The following CDH18 variants were observed in gnomAD, a reference collection of about 807,000 sequenced individuals.
CDH18 encodes cadherin 18.
CDH18 carries 31 observed loss-of-function variants against 67.9 expected under a neutral mutation model. The ratio of observed to expected loss-of-function variants is 0.46; its 90% confidence interval spans 0.34 to 0.62. The LOEUF (loss-of-function observed/expected upper bound fraction) is 0.62, where lower values mean the gene tolerates loss of function less well. CDH18 is among the 20% of genes least tolerant of loss of function. The pLI is 0.01. For synonymous variants in CDH18, 362 were observed against 347.2 expected (o/e 1.04, Z -0.48); for missense variants, 890 against 975.5 (o/e 0.91, Z 1.17).
At chr5:20,064,592 G>A (rs1742803633) in intron 2 of CDH18, among the ~76,000 whole-genome samples, 1 of 152,076 alleles carries the variant, frequency 6.6e-6, no homozygotes, top group Admixed American at 6.6e-5. Flanking sequence ...AAGTTTTGTT[G>A]TTGGACTTTT....
At chr5:20,363,214 GTGGCTCACGCCT>G (rs1742229441) in intron 1 of CDH18, among the ~76,000 whole-genome samples, 1 of 152,164 alleles carries the variant, frequency 6.6e-6, no homozygotes, top group African/African-American at 2.4e-5. Flanking sequence ...GCCAGGTGCA[GTGGCTCACGCCT>G]GTAATCCCAG....
chr5:19,511,771 A>G (rs1318566880), intron 10 of CDH18, among the ~76,000 whole-genome samples: 1 of 152,132 alleles, frequency 6.6e-6, no homozygotes, highest in Non-Finnish European at 1.5e-5. Flanking sequence ...TGAATTTGGA[A>G]CTTAGGTTTT....
At chr5:20,196,280 G>C (rs1190558823) in intron 2 of CDH18, among the ~76,000 whole-genome samples, 1 of 120,364 alleles carries the variant, frequency 8.3e-6, no homozygotes, top group Non-Finnish European at 1.7e-5. Context: ...GCAATATTCT[G>C]ACTATTTTAA....
At chr5:20,364,785 A>G (rs1742378318) in intron 1 of CDH18, among the ~76,000 whole-genome samples, 1 of 152,204 alleles carries the variant, frequency 6.6e-6, no homozygotes, top group South Asian at 2.1e-4. Flanking sequence ...GTATTTAGAG[A>G]GACATATTTA....
At chr5:19,573,252 T>G (rs2149946023) in intron 7 of CDH18, among the ~76,000 whole-genome samples, 1 of 151,970 alleles carries the variant, frequency 6.6e-6, no homozygotes, top group South Asian at 2.1e-4. Context: ...CCAAAATAAC[T>G]AATACCTATC....
At position 19,483,526 on chromosome 5, in the gene CDH18, G is replaced by T. The variant is rs760401743; in HGVS notation, c.1657C>A (p.Arg553=). The stretch of plus-strand genomic sequence containing the variant: ...TGAACAGTTCGACTAAATCTCCTCC[G>T]CCTTGTCAGAATGCTGGCTGTGTTA... The part of the protein sequence containing the change: ...EDNTASILTR[R]RRFSRTVQDV... Residue 553 remains arginine (R), a synonymous_variant, in exon 12 of 13, where the codon CGG becomes AGG. Coordinates refer to ENST00000382275, the MANE Select transcript of CDH18 (RefSeq NM_004934.5). 1 of 1,612,772 alleles carries T rather than the reference G, an allele frequency of 6.2e-7. No individual in the cohort carries two copies. The highest frequency in any genetic ancestry group is 1.1e-5 in the South Asian group (1 of 90,942).
chr5:19,605,443 T>C (rs1231763332), intron 6 of CDH18, among the ~76,000 whole-genome samples: 1 of 152,004 alleles, frequency 6.6e-6, no homozygotes, highest in African/African-American at 2.4e-5. Flanking sequence ...TTAAAGTTAA[T>C]TTAATAATTT....
At chr5:19,792,886 A>C (rs923814348) in intron 3 of CDH18, among the ~76,000 whole-genome samples, 9 of 152,194 alleles carry the variant, frequency 5.9e-5, no homozygotes, top group African/African-American at 2.4e-5. Context: ...GAAGAAGGAC[A>C]AGTTATTTAG....
intron 1 of CDH18, among the ~76,000 whole-genome samples, chr5:20,311,397 A>C (rs1193293854): frequency 1.3e-5 from 2 of 152,180 alleles, no homozygotes; most frequent in Admixed American, 1.3e-4. Flanking sequence ...GAACCAACCC[A>C]AACGTCCATC....
chr5:19,775,492 G>A (rs1774258208), intron 3 of CDH18, among the ~76,000 whole-genome samples: 1 of 151,936 alleles, frequency 6.6e-6, no homozygotes, highest in Non-Finnish European at 1.5e-5. Flanking sequence ...CGGAAGGTGA[G>A]GCAGGAGCAG....
chr5:20,505,708 C>G (rs1581123567), intron 1 of CDH18, among the ~76,000 whole-genome samples: 1 of 152,194 alleles, frequency 6.6e-6, no homozygotes, highest in African/African-American at 2.4e-5. Flanking sequence ...AGGTCACCAA[C>G]TTGTGGACTG....
At chr5:20,265,984 A>G (rs1745002202) in intron 1 of CDH18, among the ~76,000 whole-genome samples, 1 of 152,188 alleles carries the variant, frequency 6.6e-6, no homozygotes, top group Non-Finnish European at 1.5e-5. Context: ...AGCAGGGCAA[A>G]TGCACCCTCT....
At chr5:19,923,365 T>C (rs942105938) in intron 2 of CDH18, among the ~76,000 whole-genome samples, 3 of 152,174 alleles carry the variant, frequency 2.0e-5, no homozygotes, top group Non-Finnish European at 4.4e-5. Flanking sequence ...GATTTCTTGA[T>C]CCACAGAAAC....
At position 20,221,893 on chromosome 5, in the gene CDH18, T is replaced by C. The variant is rs145872167; in HGVS notation, c.-518+33551A>G. ...ATCTAAACCTTAAATTAAAATCAAG[T>C]TGAAGTATTCTTTCTTCCTTTTGCA... On this transcript the variant is annotated intron_variant, in intron 2 of 14. Coordinates refer to the CDH18 transcript ENST00000507958. Among the ~76,000 whole-genome samples the C allele has an allele frequency of 3.0e-4, 46 of 152,308 alleles. 1 individual carries two copies. The East Asian group carries it at 8.9e-3, about 29-fold the overall frequency.
At position 19,473,144 on chromosome 5, in the gene CDH18, C is replaced by G; in HGVS notation, c.*82G>C. The G allele has an allele frequency of 6.5e-7, 1 of 1,532,756 alleles. No homozygotes were observed. The highest frequency in any genetic ancestry group is 8.8e-7 in the Non-Finnish European group (1 of 1,135,682). 94.9% of individuals were successfully genotyped at this position (1,532,756 alleles called of 1,614,324 possible). On this transcript the variant is annotated 3_prime_UTR_variant, in exon 13 of 13. Coordinates refer to ENST00000382275, the MANE Select transcript of CDH18 (RefSeq NM_004934.5). ...CTTCCTCAGTTCCAAGTACTGTTTC[C>G]ACACTTCTTCCTTGTCATTGCTGAG...
At chr5:19,945,614 C>T (rs568721297) in intron 2 of CDH18, among the ~76,000 whole-genome samples, 1 of 152,108 alleles carries the variant, frequency 6.6e-6, no homozygotes, top group Non-Finnish European at 1.5e-5. Flanking sequence ...TTTCATCAAT[C>T]CATTATAAAT....
intron 2 of CDH18, among the ~76,000 whole-genome samples, chr5:20,191,657 G>T (rs749803317): frequency 1.3e-5 from 2 of 151,866 alleles, no homozygotes; most frequent in Admixed American, 6.6e-5. Flanking sequence ...ATGGTTTCCT[G>T]CTTCATCCAT....
intron 6 of CDH18, among the ~76,000 whole-genome samples, chr5:19,609,465 C>T (rs1748601235): frequency 1.3e-5 from 2 of 151,914 alleles, no homozygotes; most frequent in African/African-American, 4.8e-5. Context: ...ATTTATCTGA[C>T]TTGTATCCTA....
intron 1 of CDH18, among the ~76,000 whole-genome samples, chr5:20,529,242 G>T (rs1347310636): frequency 6.6e-6 from 1 of 151,470 alleles, no homozygotes; most frequent in African/African-American, 2.4e-5. Flanking sequence ...CGAAATTCAG[G>T]TAGTAATAAA....
Sources: gnomAD v4.1 joint callset for allele counts (sites outside exome capture counted in the v4.1 genomes callset) on GRCh38, gnomAD v4.1.1 for gene constraint, MANE v1.5 for transcripts, NCBI Gene and HGNC (gene_info 2026-07-23, HGNC 2026-07-21) for gene names.